Variants in CLYBL observed in about 807,000 individuals in gnomAD.
CLYBL encodes citramalyl-CoA lyase.
Under a neutral mutation model 38.9 loss-of-function variants are expected in CLYBL, and 31 were observed. The observed-to-expected ratio is 0.80, with a 90% CI of 0.60 to 1.08. The LOEUF (loss-of-function observed/expected upper bound fraction) is 1.08, where lower values mean the gene tolerates loss of function less well. Ranked by LOEUF, CLYBL falls within the 50% of genes least tolerant of loss-of-function variation. CLYBL has a pLI of 0.00. For missense variants in CLYBL, 434 were observed against 411.6 expected, an observed-to-expected ratio of 1.05 and a Z score of -0.47; for synonymous variants, 171 against 158.6, an observed-to-expected ratio of 1.08 and a Z score of -0.59.
At chr13:99,643,733 C>T (rs1006155322) in intron 1 of CLYBL, among the ~76,000 whole-genome samples, 3 of 152,060 alleles carry the variant, frequency 2.0e-5, no homozygotes, top group Non-Finnish European at 4.4e-5. Context: ...ATAGGCCCGG[C>T]GCAGTGGCTC....
At chr13:99,778,218 T>C (rs1246983694) in intron 2 of CLYBL, among the ~76,000 whole-genome samples, 1 of 152,228 alleles carries the variant, frequency 6.6e-6, no homozygotes, top group Non-Finnish European at 1.5e-5. Flanking sequence ...TATTCTCTTT[T>C]CTTTCTCAAA....
At chr13:99,618,515 C>A (rs1048426704) in intron 1 of CLYBL, among the ~76,000 whole-genome samples, 2 of 152,200 alleles carry the variant, frequency 1.3e-5, no homozygotes, top group African/African-American at 4.8e-5. Flanking sequence ...GGTGATCTAC[C>A]CGCCTCGGCC....
At chr13:99,684,827 C>G (rs2047794093) in intron 1 of CLYBL, among the ~76,000 whole-genome samples, 1 of 152,206 alleles carries the variant, frequency 6.6e-6, no homozygotes, top group South Asian at 2.1e-4. Context: ...AACACTTGAA[C>G]CAAAGGTTAC....
At chr13:99,703,041 C>A (rs2139464538) in intron 1 of CLYBL, among the ~76,000 whole-genome samples, 1 of 152,320 alleles carries the variant, frequency 6.6e-6, no homozygotes, top group South Asian at 2.1e-4. Context: ...GACTATTAAG[C>A]ACTTTAAAAG....
intron 1 of CLYBL, among the ~76,000 whole-genome samples, chr13:99,632,039 C>G (rs369385703): frequency 6.6e-6 from 1 of 152,158 alleles, no homozygotes; most frequent in Non-Finnish European, 1.5e-5. Flanking sequence ...CCTGAAGGTA[C>G]TCCCAAAGCT....
chr13:99,630,858 G>A (rs1287052251), intron 1 of CLYBL, among the ~76,000 whole-genome samples: 1 of 152,170 alleles, frequency 6.6e-6, no homozygotes, highest in African/African-American at 2.4e-5. Flanking sequence ...GATGAAGCAA[G>A]TGAGATTCAG....
chr13:99,824,257 G>GCCCCTCCCCCCCCC (rs2050646935), intron 2 of CLYBL, among the ~76,000 whole-genome samples: 1 of 130,414 alleles, frequency 7.7e-6, no homozygotes, highest in African/African-American at 2.9e-5. Context: ...CTGACTAATA[G>GCCCCTCCCCCCCCC]CCCCCCCCAC....
chr13:99,890,342 A>T (rs1452536282), intron 7 of CLYBL, among the ~76,000 whole-genome samples: 1 of 152,150 alleles, frequency 6.6e-6, no homozygotes, highest in Non-Finnish European at 1.5e-5. Flanking sequence ...AGTCTATATA[A>T]GTATGGTAGA....
intron 2 of CLYBL, among the ~76,000 whole-genome samples, chr13:99,801,147 C>A (rs906070912): frequency 6.6e-6 from 1 of 152,162 alleles, no homozygotes; most frequent in Non-Finnish European, 1.5e-5. Flanking sequence ...CAGGTGCCCC[C>A]CCTCCACACG....
chr13:99,813,138 T>C (rs940188437), intron 2 of CLYBL, among the ~76,000 whole-genome samples: 1 of 151,748 alleles, frequency 6.6e-6, no homozygotes, highest in African/African-American at 2.4e-5. Context: ...TATTTTTGTC[T>C]CAGGAAAAAA....
intron 2 of CLYBL, among the ~76,000 whole-genome samples, chr13:99,852,212 G>A (rs1184076026): frequency 2.0e-5 from 3 of 152,180 alleles, no homozygotes; most frequent in African/African-American, 7.2e-5. Flanking sequence ...TAAGAAGTAT[G>A]AGGTTTCTTT....
At chr13:99,705,109 G>T (rs2048126349) in intron 1 of CLYBL, among the ~76,000 whole-genome samples, 1 of 152,102 alleles carries the variant, frequency 6.6e-6, no homozygotes, top group East Asian at 1.9e-4. Flanking sequence ...TCAAAGCAGG[G>T]ACTCAGATAC....
intron 1 of CLYBL, among the ~76,000 whole-genome samples, chr13:99,619,618 A>T (rs2046764231): frequency 6.6e-6 from 1 of 152,212 alleles, no homozygotes; most frequent in Non-Finnish European, 1.5e-5. Flanking sequence ...AAATCAAGTT[A>T]CTAACTCTGC....
At chr13:99,782,231 G>T (rs2049672504) in intron 2 of CLYBL, among the ~76,000 whole-genome samples, 1 of 152,158 alleles carries the variant, frequency 6.6e-6, no homozygotes, top group Non-Finnish European at 1.5e-5. Context: ...TATGGCCTGG[G>T]TGTGGTGGCT....
chr13:99,874,346 T>G (rs1294269109), intron 7 of CLYBL, among the ~76,000 whole-genome samples: 1 of 152,214 alleles, frequency 6.6e-6, no homozygotes, highest in Non-Finnish European at 1.5e-5. Context: ...TAGTTTCAAA[T>G]TATTTGGTAA....
chr13:99,657,098 G>A (rs978944959), intron 1 of CLYBL, among the ~76,000 whole-genome samples: 4 of 152,306 alleles, frequency 2.6e-5, no homozygotes, highest in Admixed American at 6.5e-5. Context: ...ACATGCAGAC[G>A]TGCTTCATCT....
chr13:99,728,557 T>G (rs2048524496), intron 1 of CLYBL, among the ~76,000 whole-genome samples: 1 of 151,544 alleles, frequency 6.6e-6, no homozygotes, highest in African/African-American at 2.4e-5. Flanking sequence ...GGATTACAGG[T>G]ATGAGCCAAC....
intron 1 of CLYBL, among the ~76,000 whole-genome samples, chr13:99,618,241 T>C (rs982299655): frequency 6.6e-6 from 1 of 152,186 alleles, no homozygotes. Context: ...TTTTCTTTAT[T>C]TTGGTAAATT....
At chr13:99,833,084 C>T (rs1217836829) in intron 2 of CLYBL, among the ~76,000 whole-genome samples, 3 of 119,062 alleles carry the variant, frequency 2.5e-5, no homozygotes, top group African/African-American at 1.0e-4. Flanking sequence ...TCTTTTTGCC[C>T]AGGCTGGAGT....
Sources: gnomAD v4.1 joint callset for allele counts (sites outside exome capture counted in the v4.1 genomes callset) on GRCh38, gnomAD v4.1.1 for gene constraint, MANE v1.5 for transcripts, NCBI Gene and HGNC (gene_info 2026-07-23, HGNC 2026-07-21) for gene names.